Variants in GFRA1 observed in about 807,000 individuals in gnomAD.
GFRA1 encodes the protein GDNF family receptor alpha 1.
A neutral mutation model predicts 51.6 loss-of-function variants in GFRA1; 16 were observed. That is an observed-to-expected ratio of 0.31 (90% CI 0.21 to 0.47). GFRA1 has a LOEUF of 0.47. Among genes scored for constraint, GFRA1 ranks in the 20% least tolerant of loss-of-function variants. GFRA1 has a pLI of 1.00. For synonymous variants in GFRA1, 270 were observed against 241.3 expected (o/e 1.12, Z -1.10); for missense variants, 530 against 594.3 (o/e 0.89, Z 1.13).
chr10:116,189,166 G>C (rs532977039), intron 5 of GFRA1, among the ~76,000 whole-genome samples: 15 of 151,122 alleles, frequency 9.9e-5, no homozygotes, highest in Non-Finnish European at 1.2e-4. Context: ...TTACCTGCAA[G>C]CAGAAAAATG....
chr10:116,240,682 T>C (rs1967286735), intron 4 of GFRA1, among the ~76,000 whole-genome samples: 1 of 152,100 alleles, frequency 6.6e-6, no homozygotes, highest in Non-Finnish European at 1.5e-5. Context: ...CTCTAACCCA[T>C]TCACCCGCCC....
At chr10:116,232,890 G>A (rs144130196) in intron 4 of GFRA1, among the ~76,000 whole-genome samples, 118 of 152,206 alleles carry the variant, frequency 7.8e-4, no homozygotes, top group African/African-American at 2.7e-3. Context: ...TTTCTGCTTT[G>A]GGAACACTTA....
chr10:116,143,460 C>T (rs2134102311), intron 5 of GFRA1, among the ~76,000 whole-genome samples: 1 of 152,180 alleles, frequency 6.6e-6, no homozygotes, highest in East Asian at 1.9e-4. Context: ...TCTGCGTAAA[C>T]AACTGTCTGA....
intron 5 of GFRA1, among the ~76,000 whole-genome samples, chr10:116,142,210 T>C (rs1021164652): frequency 1.3e-5 from 2 of 152,200 alleles, no homozygotes; most frequent in African/African-American, 2.4e-5. Context: ...AAAGTGGTTG[T>C]GTTTGTTATA....
chr10:116,223,994 T>C (rs553294426), intron 4 of GFRA1, among the ~76,000 whole-genome samples: 1 of 152,322 alleles, frequency 6.6e-6, no homozygotes, highest in Admixed American at 6.5e-5. Flanking sequence ...CTCAGGAGAA[T>C]ATGGCAATAA....
chr10:116,161,063 G>A (rs1331309415), intron 5 of GFRA1, among the ~76,000 whole-genome samples: 1 of 152,204 alleles, frequency 6.6e-6, no homozygotes, highest in African/African-American at 2.4e-5. Context: ...AGCCTGGGAG[G>A]CAGAACTCAG....
chr10:116,199,148 G>A (rs1206986092), intron 5 of GFRA1, among the ~76,000 whole-genome samples: 1 of 152,154 alleles, frequency 6.6e-6, no homozygotes, highest in African/African-American at 2.4e-5. Flanking sequence ...CAATCTCCAG[G>A]ACAGTGAGGG....
intron 4 of GFRA1, among the ~76,000 whole-genome samples, chr10:116,230,262 C>T (rs1221751970): frequency 6.6e-6 from 1 of 152,164 alleles, no homozygotes; most frequent in Non-Finnish European, 1.5e-5. Context: ...AAGCACCTCC[C>T]GTGCATTTTT....
At position 116,272,309 on chromosome 10, in the gene GFRA1, G is replaced by A; in HGVS notation, c.-246-34C>T. 1.8e-6 allele frequency: 1 copy of A among 548,146 alleles called. No homozygotes were observed. Among genetic ancestry groups the A allele is most frequent in the Non-Finnish European group, 3.3e-6 (1 of 304,754 alleles). 34.0% of individuals were successfully genotyped at this position (548,146 alleles called of 1,614,324 possible). On this transcript the variant is annotated intron_variant, in intron 1 of 10. Transcript: ENST00000355422. The surrounding 1 kb of genome is among the most constrained non-coding windows in gnomAD (Gnocchi z 4.4). ...GAGGGCGCGCTTTGAGATGAGAGCG[G>A]AGAGCGCCGGAGACTCCCCCCACAG...
At chr10:116,075,854 C>G (rs1434503840) in intron 9 of GFRA1, among the ~76,000 whole-genome samples, 1 of 152,132 alleles carries the variant, frequency 6.6e-6, no homozygotes, top group African/African-American at 2.4e-5. Flanking sequence ...ACGCCATTCT[C>G]CTGCCTCAGC....
chr10:116,163,360 C>T (rs760791242), intron 5 of GFRA1, among the ~76,000 whole-genome samples: 5 of 152,164 alleles, frequency 3.3e-5, no homozygotes, highest in African/African-American at 4.8e-5. Flanking sequence ...CAAAGCATAG[C>T]TCGACATTGC....
At chr10:116,228,361 G>C (rs898267000) in intron 4 of GFRA1, among the ~76,000 whole-genome samples, 1 of 152,166 alleles carries the variant, frequency 6.6e-6, no homozygotes, top group Non-Finnish European at 1.5e-5. Flanking sequence ...AGCCAGGATT[G>C]CTCCAAAAGA....
intron 9 of GFRA1, among the ~76,000 whole-genome samples, chr10:116,074,735 G>A (rs1313903360): frequency 6.6e-6 from 1 of 152,152 alleles, no homozygotes; most frequent in Admixed American, 6.5e-5. Flanking sequence ...AAATATAAGG[G>A]GCAGAGAGGA....
chr10:116,265,714 G>A (rs1017050417), intron 4 of GFRA1, among the ~76,000 whole-genome samples: 2 of 152,156 alleles, frequency 1.3e-5, no homozygotes, highest in African/African-American at 4.8e-5. Flanking sequence ...CTGAGCCTCT[G>A]AGCGCCCACA....
intron 4 of GFRA1, among the ~76,000 whole-genome samples, chr10:116,216,554 T>C (rs1965576949): frequency 6.6e-6 from 1 of 152,216 alleles, no homozygotes; most frequent in African/African-American, 2.4e-5. Flanking sequence ...TGTGCGTGAC[T>C]TCCATAAAAC....
At chr10:116,260,028 T>G (rs933737865) in intron 4 of GFRA1, among the ~76,000 whole-genome samples, 12 of 152,146 alleles carry the variant, frequency 7.9e-5, no homozygotes, top group Non-Finnish European at 1.8e-4. Context: ...AGACTGAGGA[T>G]TCAATGAGGA....
At chr10:116,261,851 C>T (rs939079609) in intron 4 of GFRA1, among the ~76,000 whole-genome samples, 21 of 152,120 alleles carry the variant, frequency 1.4e-4, no homozygotes, top group Non-Finnish European at 2.6e-4. Flanking sequence ...AGGCCACTGC[C>T]CTCAAATTAC....
chr10:116,258,421 T>C (rs911167911), intron 4 of GFRA1, among the ~76,000 whole-genome samples: 1 of 131,436 alleles, frequency 7.6e-6, no homozygotes, highest in African/African-American at 2.8e-5. Context: ...ATTAATAAAA[T>C]AAATATAAAA....
At chr10:116,131,085 C>A (rs1488899068) in intron 5 of GFRA1, among the ~76,000 whole-genome samples, 1 of 152,080 alleles carries the variant, frequency 6.6e-6, no homozygotes, top group Non-Finnish European at 1.5e-5. Context: ...AAGAAAACAA[C>A]CCAATTAAAC....
Sources: allele counts gnomAD v4.1 joint callset (sites outside exome capture counted in the v4.1 genomes callset), GRCh38; gene constraint gnomAD v4.1.1; non-coding constraint Gnocchi (gnomAD v3.1); transcripts MANE v1.5; gene names NCBI Gene and HGNC (gene_info 2026-07-23, HGNC 2026-07-21).